The following RAB7A variants were observed in gnomAD, a reference collection of about 807,000 sequenced individuals.
RAB7A encodes the protein ras-related protein Rab-7a.
In RAB7A, 2 loss-of-function variants were observed where a neutral mutation model predicts 24.5. The observed-to-expected ratio is 0.08, with a 90% CI of 0.03 to 0.26. The LOEUF is 0.26. Among genes scored for constraint, RAB7A ranks in the 10% least tolerant of loss-of-function variants. The pLI, the probability that RAB7A is intolerant of heterozygous loss-of-function variation, is 1.00. For missense variants in RAB7A, 118 were observed against 255.7 expected (o/e 0.46, Z 3.67); for synonymous variants, 100 against 95.9 (o/e 1.04, Z -0.25).
chr3:128,811,908 A>T (rs563911857), intron 5 of RAB7A, among the ~76,000 whole-genome samples: 1 of 152,264 alleles, frequency 6.6e-6, no homozygotes, highest in South Asian at 2.1e-4. Context: ...ATTAAAATAA[A>T]TAAATAATGT....
At position 128,814,182 on chromosome 3, in the gene RAB7A, CAG is replaced by C. The variant is rs1559799617; in HGVS notation, c.*762_*763del. 2.6e-5 allele frequency: 4 copies of C among 153,418 alleles called. No individual in the cohort carries two copies. The highest frequency in any genetic ancestry group is 9.7e-5 in the African/African-American group (4 of 41,428). 9.5% of individuals were successfully genotyped at this position (153,418 alleles called of 1,614,324 possible). ...CCTGTTTGGATTGCAGAGTGTTACT[CAG>C]AATTGGGAAATCCAGCTAGCGGCAG... On this transcript the variant is annotated 3_prime_UTR_variant, in exon 6 of 6. Coordinates refer to ENST00000265062, the MANE Select transcript of RAB7A (RefSeq NM_004637.6).
At chr3:128,805,919 T>C (rs541636231) in intron 3 of RAB7A, among the ~76,000 whole-genome samples, 26 of 152,318 alleles carry the variant, frequency 1.7e-4, no homozygotes, top group Admixed American at 3.3e-4. Flanking sequence ...GGCAAACTTT[T>C]CATACAGTAA....
chr3:128,752,791 ATATT>A (rs1576277335), intron 1 of RAB7A, among the ~76,000 whole-genome samples: 1 of 138,814 alleles, frequency 7.2e-6, no homozygotes, highest in Non-Finnish European at 1.6e-5. Context: ...ATAGAGGTTG[ATATT>A]TATTTTTTTT....
Position 128,813,573 on chromosome 3 carries a change from C to G in RAB7A, c.*151C>G. ...AAAACCCCATCAAACACAGTTACAC[C>G]CCACATATCTCTCACACACACACAC... On this transcript the variant is annotated 3_prime_UTR_variant, in exon 6 of 6. Coordinates refer to ENST00000265062, the MANE Select transcript of RAB7A (RefSeq NM_004637.6). 1.4e-6 allele frequency: 1 copy of G among 704,658 alleles called. No individual in the cohort carries two copies. Among genetic ancestry groups the G allele is most frequent in the Non-Finnish European group, 2.6e-6 (1 of 390,194 alleles). The allele number at this position is 704,658 out of a possible 1,614,324, so 43.7% of individuals were successfully genotyped here.
At chr3:128,770,200 A>C (rs1382335342) in intron 1 of RAB7A, among the ~76,000 whole-genome samples, 1 of 151,810 alleles carries the variant, frequency 6.6e-6, no homozygotes, top group African/African-American at 2.4e-5. Flanking sequence ...ACCAGTTTTC[A>C]CCACGTTGGC....
chr3:128,807,776 C>T (rs1402534554), intron 5 of RAB7A, 105 bp downstream of exon 5: 2 of 1,514,940 alleles, frequency 1.3e-6, no homozygotes, highest in East Asian at 2.3e-5. Flanking sequence ...CCACTCTTTT[C>T]TGTATAGCCA....
At chr3:128,736,067 CAG>C (rs1259504245) in intron 1 of RAB7A, among the ~76,000 whole-genome samples, 4 of 152,124 alleles carry the variant, frequency 2.6e-5, no homozygotes, top group African/African-American at 9.7e-5. Flanking sequence ...ATGCAGTACT[CAG>C]AGCAAAGTAC....
At chr3:128,728,302 G>A (rs958822249) in intron 1 of RAB7A, among the ~76,000 whole-genome samples, 1 of 152,100 alleles carries the variant, frequency 6.6e-6, no homozygotes, top group Non-Finnish European at 1.5e-5. Context: ...GTGTTCTTCT[G>A]GCTAACTTTA....
At chr3:128,748,787 C>G (rs1435503822) in intron 1 of RAB7A, 5 of 152,138 alleles carry the variant, frequency 3.3e-5, no homozygotes, top group African/African-American at 1.2e-4. Context: ...GTTCATGAGG[C>G]TTTCTAGTTC....
At chr3:128,810,309 A>G (rs1418314109) in intron 5 of RAB7A, among the ~76,000 whole-genome samples, 1 of 151,920 alleles carries the variant, frequency 6.6e-6, no homozygotes, top group Non-Finnish European at 1.5e-5. Context: ...CCACACCCCA[A>G]ATAAAACTCT....
At chr3:128,802,772 G>A (rs1576302078) in intron 3 of RAB7A, among the ~76,000 whole-genome samples, 1 of 151,246 alleles carries the variant, frequency 6.6e-6, no homozygotes, top group Non-Finnish European at 1.5e-5. Context: ...CTCCCACGGC[G>A]CTGGGATTAC....
intron 1 of RAB7A, among the ~76,000 whole-genome samples, chr3:128,786,723 A>G (rs1301786773): frequency 6.6e-6 from 1 of 152,208 alleles, no homozygotes; most frequent in Non-Finnish European, 1.5e-5. Context: ...AGGGTAGGCA[A>G]AGACCATCAG....
chr3:128,813,270 A>C, intron 5 of RAB7A, 57 bp from the exon 6 acceptor site: 2 of 1,514,796 alleles, frequency 1.3e-6, no homozygotes, highest in Admixed American at 1.7e-5. Context: ...GCCCGCAATG[A>C]GGGCTGAAAT....
At chr3:128,742,722 A>G (rs1415935731) in intron 1 of RAB7A, among the ~76,000 whole-genome samples, 4 of 152,160 alleles carry the variant, frequency 2.6e-5, no homozygotes, top group African/African-American at 9.7e-5. Flanking sequence ...TGTATTTACA[A>G]TCCTTTAGCT....
intron 1 of RAB7A, among the ~76,000 whole-genome samples, chr3:128,758,203 A>G (rs1340934063): frequency 6.7e-6 from 1 of 150,332 alleles, no homozygotes; most frequent in East Asian, 1.9e-4. Flanking sequence ...GCCTCAAATG[A>G]TCTTCCTGCC....
At chr3:128,785,462 T>G (rs1041944004) in intron 1 of RAB7A, 4 of 151,636 alleles carry the variant, frequency 2.6e-5, no homozygotes, top group African/African-American at 9.7e-5. Context: ...AATAAAAAAT[T>G]AAAAGAATTT....
rs560201434 is a variant in RAB7A at position 128,807,780 on chromosome 3, A to G, written c.528+109A>G. The G allele has an allele frequency of 6.8e-6, 10 of 1,462,314 alleles. No homozygotes were observed. In the South Asian group the frequency reaches 1.1e-4, roughly 17 times the overall value. The allele number at this position is 1,462,314 out of a possible 1,614,324, so 90.6% of individuals were successfully genotyped here. A position where few individuals can be genotyped will look rare whatever the true frequency, so the allele number is the denominator to read the frequency against. ...TCTTCCCTAACCCACTCTTTTCTGTATAGCCAGAATACCCTATGTGTTCAT... is the reference window on the plus strand; with the variant it reads ...TCTTCCCTAACCCACTCTTTTCTGTGTAGCCAGAATACCCTATGTGTTCAT... On this transcript the variant is annotated intron_variant, in intron 5 of 5. Coordinates refer to ENST00000265062, the MANE Select transcript of RAB7A (RefSeq NM_004637.6).
chr3:128,736,144 A>G (rs1296907913), intron 1 of RAB7A, among the ~76,000 whole-genome samples: 3 of 150,320 alleles, frequency 2.0e-5, no homozygotes, highest in Non-Finnish European at 4.4e-5. Context: ...TTTAAGCAGC[A>G]TTTGATTTGT....
At position 128,807,539 on chromosome 3, in the gene RAB7A, T is replaced by C. The variant is rs2107616059; in HGVS notation, c.400-4T>C. 3 of 1,614,060 alleles carry C rather than the reference T, an allele frequency of 1.9e-6. No homozygotes were observed. The East Asian group carries it at 6.7e-5, about 36-fold the overall frequency. ...GCCTATGTGCACCCTGCTTCTTCTT[T>C]CAGGTGGCCACAAAGCGGGCACAGG... is the stretch of plus-strand genomic sequence containing the variant. On this transcript the variant is annotated splice_polypyrimidine_tract_variant and splice_region_variant and intron_variant, in intron 4 of 5. Transcript: ENST00000265062.
Sources: gnomAD v4.1 joint callset for allele counts (sites outside exome capture counted in the v4.1 genomes callset) on GRCh38, gnomAD v4.1.1 for gene constraint, MANE v1.5 for transcripts, NCBI Gene and HGNC (gene_info 2026-07-23, HGNC 2026-07-21) for gene names.